GRM5: variants seen among roughly 807,000 people sequenced by gnomAD.
GRM5 encodes metabotropic glutamate receptor 5.
In GRM5, 19 loss-of-function variants were observed where a neutral mutation model predicts 83.1. The observed-to-expected ratio is 0.23, with a 90% CI of 0.16 to 0.34. GRM5 has a LOEUF of 0.34. GRM5 is among the 10% of genes least tolerant of loss of function. GRM5 has a pLI of 1.00. For synonymous variants in GRM5, 675 were observed against 633.6 expected (o/e 1.07, Z -0.98); for missense variants, 1,160 against 1,588.3 (o/e 0.73, Z 4.58).
chr11:88,667,961 T>C (rs554772313), intron 3 of GRM5, among the ~76,000 whole-genome samples: 164 of 151,548 alleles, frequency 1.1e-3, no homozygotes, highest in African/African-American at 3.9e-3. Context: ...ATAAAACTGA[T>C]GAACATTTAT....
At chr11:88,907,258 G>A (rs1945419682) in intron 2 of GRM5, among the ~76,000 whole-genome samples, 1 of 152,120 alleles carries the variant, frequency 6.6e-6, no homozygotes, top group African/African-American at 2.4e-5. Flanking sequence ...GATCATCACT[G>A]AGTTTTCCTG....
chr11:88,519,094 T>TA (rs1032380229), intron 9 of GRM5, among the ~76,000 whole-genome samples: 2 of 150,704 alleles, frequency 1.3e-5, no homozygotes, highest in African/African-American at 4.9e-5. Flanking sequence ...TTAGCTAGAC[T>TA]AAGACTTTTA....
At chr11:88,834,506 A>T (rs912558486) in intron 3 of GRM5, among the ~76,000 whole-genome samples, 1 of 152,222 alleles carries the variant, frequency 6.6e-6, no homozygotes, top group Non-Finnish European at 1.5e-5. Flanking sequence ...TCACCTGGCA[A>T]GTCTAATAAT....
intron 7 of GRM5, 116 bp downstream of exon 7, chr11:88,590,485 T>G: frequency 1.3e-6 from 1 of 777,220 alleles, no homozygotes. Flanking sequence ...AAGGAAATTA[T>G]TTGTTCCATA....
At chr11:88,738,939 G>A (rs1319575010) in intron 3 of GRM5, among the ~76,000 whole-genome samples, 1 of 151,978 alleles carries the variant, frequency 6.6e-6, no homozygotes, top group Non-Finnish European at 1.5e-5. Flanking sequence ...ATCTTTACAT[G>A]CTCCAATTCC....
intron 2 of GRM5, among the ~76,000 whole-genome samples, chr11:88,940,234 A>C (rs150923891): frequency 0.033 from 4,895 of 150,574 alleles, 261 homozygotes; most frequent in African/African-American, 0.11. Flanking sequence ...TCTAGCATCT[A>C]TTTGCAACAT....
Position 88,567,281 on chromosome 11 carries a change from G to A in GRM5, c.2402C>T (p.Thr801Ile), listed in dbSNP as rs1327801995. 2 of 1,613,780 alleles carry A rather than the reference G, an allele frequency of 1.2e-6. No individual in the cohort carries two copies. Among genetic ancestry groups the A allele is most frequent in the African/African-American group, 1.3e-5 (1 of 74,918 alleles). Residue 801 changes from threonine to isoleucine, a missense_variant, in exon 8 of 10, where the codon ACC becomes ATC. By Grantham distance (89) the Thr-to-Ile change is moderately conservative. Coordinates refer to ENST00000305447, the MANE Select transcript of GRM5 (RefSeq NM_001143831.3). This position sits in a 1 kb window ranked among gnomAD's most constrained non-coding sequence, Gnocchi z 7.3. ...IYFGSNYKIITMCFSVSLSAT... is the reference protein window; with the variant it reads ...IYFGSNYKIIIMCFSVSLSAT... ...ACTGAGGCTGACCGAGAAACACATG[G>A]TGATGATTTTGTAGTTGCTGCCAAA...
rs148913850 is a variant in GRM5 at position 88,578,797 on chromosome 11, G to A, written c.1691-10805C>T. ...CTGGAATCTCATTTTAAAAGAACCA[G>A]AACACAACATTGTTGTTTTTAGTGC... On this transcript the variant is annotated intron_variant, in intron 7 of 9. Transcript: ENST00000305447. Among the ~76,000 whole-genome samples the A allele has an allele frequency of 7.4e-3, 1,121 of 151,764 alleles. 11 individuals are homozygous for A. The highest frequency in any genetic ancestry group is 0.026 in the African/African-American group (1,083 of 41,404).
At chr11:88,817,334 T>G (rs1377796102) in intron 3 of GRM5, among the ~76,000 whole-genome samples, 1 of 152,042 alleles carries the variant, frequency 6.6e-6, no homozygotes, top group East Asian at 1.9e-4. Flanking sequence ...CCACAGAATT[T>G]AAATTTCTCT....
At chr11:88,841,869 A>G (rs643566) in intron 3 of GRM5, among the ~76,000 whole-genome samples, 115,452 of 152,120 alleles carry the variant, frequency 0.76, 44,639 homozygotes, top group East Asian at 0.99. Context: ...ACTGTAATGC[A>G]TGATTTAGTG....
chr11:88,633,246 A>G (rs992589840), intron 4 of GRM5, among the ~76,000 whole-genome samples: 2 of 152,170 alleles, frequency 1.3e-5, no homozygotes, highest in African/African-American at 4.8e-5. Context: ...CATTGTTATT[A>G]TTTTTTAAGA....
chr11:89,038,044 T>G (rs1157676394), intron 2 of GRM5, among the ~76,000 whole-genome samples: 1 of 152,160 alleles, frequency 6.6e-6, no homozygotes, highest in Non-Finnish European at 1.5e-5. Context: ...CTCTATTAAA[T>G]TCTGATTTCA....
intron 2 of GRM5, chr11:88,912,065 G>A (rs192835510): frequency 3.4e-5 from 16 of 466,734 alleles, no homozygotes; most frequent in East Asian, 2.1e-4. Flanking sequence ...AAGTATTGGC[G>A]AAGTTCAGAG....
chr11:89,059,459 A>T (rs1391535754), intron 1 of GRM5, among the ~76,000 whole-genome samples: 2 of 152,170 alleles, frequency 1.3e-5, no homozygotes, highest in African/African-American at 2.4e-5. Context: ...AGTAGAATTC[A>T]AAAAAATTGA....
At position 88,604,393 on chromosome 11, in the gene GRM5, G is replaced by A. The variant is rs75497494; in HGVS notation, c.1394+325C>T. ...TTATGCAAGAAAATATCTGAATATG[G>A]GGAATAACATGACAAGCATGTACAG... is the stretch of plus-strand genomic sequence containing the variant. On this transcript the variant is annotated intron_variant, in intron 5 of 9. Coordinates refer to ENST00000305447, the MANE Select transcript of GRM5 (RefSeq NM_001143831.3). Among the ~76,000 whole-genome samples the A allele has an allele frequency of 6.8e-3, 1,042 of 152,258 alleles. 12 individuals are homozygous for A. The highest frequency in any genetic ancestry group is 0.024 in the African/African-American group (980 of 41,542).
chr11:88,838,207 C>A (rs577869849), intron 3 of GRM5, among the ~76,000 whole-genome samples: 61 of 148,256 alleles, frequency 4.1e-4, no homozygotes, highest in African/African-American at 1.4e-3. Flanking sequence ...AAAGAAATAT[C>A]TCATTCTTTA....
At chr11:88,887,541 C>T (rs1945064403) in intron 2 of GRM5, among the ~76,000 whole-genome samples, 1 of 152,088 alleles carries the variant, frequency 6.6e-6, no homozygotes, top group Admixed American at 6.6e-5. Flanking sequence ...TCTCTAAGTG[C>T]CTCTGTTTCC....
At chr11:88,554,500 C>G (rs1591344001) in intron 8 of GRM5, among the ~76,000 whole-genome samples, 1 of 152,112 alleles carries the variant, frequency 6.6e-6, no homozygotes, top group African/African-American at 2.4e-5. Flanking sequence ...TATTACTTCC[C>G]TTGTTTTATT....
chr11:88,760,589 T>C (rs912634905), intron 3 of GRM5, among the ~76,000 whole-genome samples: 3 of 151,824 alleles, frequency 2.0e-5, no homozygotes, highest in African/African-American at 7.3e-5. Context: ...CCAAAACAAT[T>C]CTCAGTGCCA....
Sources: gnomAD v4.1 joint callset for allele counts (sites outside exome capture counted in the v4.1 genomes callset) on GRCh38, gnomAD v4.1.1 for gene constraint, Gnocchi (gnomAD v3.1) non-coding constraint, MANE v1.5 for transcripts, NCBI Gene and HGNC (gene_info 2026-07-23, HGNC 2026-07-21) for gene names.